NAALADL2: variants seen among roughly 807,000 people sequenced by gnomAD.
NAALADL2 encodes the protein N-acetylated alpha-linked acidic dipeptidase like 2.
In NAALADL2, 76 loss-of-function variants were observed where a neutral mutation model predicts 87.2. The ratio of observed to expected loss-of-function variants is 0.87; its 90% confidence interval spans 0.72 to 1.05. The LOEUF is 1.05. Ranked by LOEUF, NAALADL2 falls within the 50% of genes least tolerant of loss-of-function variation. NAALADL2 has a pLI of 0.00. For missense variants in NAALADL2, 1,089 were observed against 945.8 expected, an observed-to-expected ratio of 1.15 and a Z score of -1.99; for synonymous variants, 354 against 331.0, an observed-to-expected ratio of 1.07 and a Z score of -0.75.
At chr3:175,504,020 A>G (rs1269821268) in intron 9 of NAALADL2, among the ~76,000 whole-genome samples, 1 of 152,216 alleles carries the variant, frequency 6.6e-6, no homozygotes, top group Non-Finnish European at 1.5e-5. Context: ...TATGTTCAGA[A>G]TGATATTTCC....
chr3:175,349,378 AG>A (rs1363756522), intron 5 of NAALADL2, among the ~76,000 whole-genome samples: 1 of 152,122 alleles, frequency 6.6e-6, no homozygotes, highest in Non-Finnish European at 1.5e-5. Flanking sequence ...AGGAAGTAGC[AG>A]GCCAAAGAAG....
chr3:174,902,894 A>C (rs1471344475), intron 1 of NAALADL2, among the ~76,000 whole-genome samples: 6 of 152,132 alleles, frequency 3.9e-5, no homozygotes, highest in African/African-American at 1.4e-4. Flanking sequence ...ATTCTCCCAG[A>C]AACAAGAAGA....
intron 2 of NAALADL2, among the ~76,000 whole-genome samples, chr3:175,203,296 A>T (rs1212516154): frequency 1.3e-5 from 2 of 152,104 alleles, no homozygotes; most frequent in Admixed American, 1.3e-4. Flanking sequence ...TTTGGGAACT[A>T]GCGAGCTCCC....
intron 1 of NAALADL2, among the ~76,000 whole-genome samples, chr3:174,474,036 A>G (rs1314528215): frequency 1.3e-5 from 2 of 151,998 alleles, no homozygotes; most frequent in Non-Finnish European, 2.9e-5. Flanking sequence ...GTGAGAACTC[A>G]CTCTGATTCA....
chr3:174,696,732 G>C (rs1729056694), intron 2 of NAALADL2, among the ~76,000 whole-genome samples: 1 of 150,948 alleles, frequency 6.6e-6, no homozygotes, highest in South Asian at 2.1e-4. Flanking sequence ...AAAAATAATT[G>C]TGTATTTTGT....
At chr3:175,507,547 C>A (rs1730515065) in intron 9 of NAALADL2, among the ~76,000 whole-genome samples, 1 of 152,080 alleles carries the variant, frequency 6.6e-6, no homozygotes, top group African/African-American at 2.4e-5. Context: ...CTCAGCCTCC[C>A]CAGCAGCTGG....
intron 11 of NAALADL2, among the ~76,000 whole-genome samples, chr3:175,671,350 C>T (rs1326297488): frequency 2.6e-5 from 4 of 151,986 alleles, no homozygotes; most frequent in South Asian, 2.1e-4. Context: ...TTCATGGTTG[C>T]TGCAGCAATG....
At chr3:175,119,676 C>G (rs1190101332) in intron 2 of NAALADL2, among the ~76,000 whole-genome samples, 1 of 73,486 alleles carries the variant, frequency 1.4e-5, no homozygotes, top group Non-Finnish European at 2.9e-5. Context: ...TGAGGAGTCA[C>G]TTAGTAAGGT....
rs561855232 is a variant in NAALADL2 at position 175,609,158 on chromosome 3, C to T, written c.1801-18133C>T. On this transcript the variant is annotated intron_variant, in intron 10 of 13. Coordinates refer to ENST00000454872, the MANE Select transcript of NAALADL2 (RefSeq NM_207015.3). ...GGTTTTCAGTGACAGGTCTATTGGC[C>T]CACATAGAGATTGAACACTGATTTT... Among the ~76,000 whole-genome samples, 15 of 152,028 alleles carry T rather than the reference C, an allele frequency of 9.9e-5. No individual in the cohort carries two copies. The South Asian group carries it at 2.3e-3, about 23-fold the overall frequency.
chr3:174,492,255 A>G (rs942233916), intron 1 of NAALADL2, among the ~76,000 whole-genome samples: 6 of 150,734 alleles, frequency 4.0e-5, no homozygotes, highest in Admixed American at 1.3e-4. Context: ...AGGCAACAAC[A>G]GCAAGACTCC....
At chr3:175,514,338 T>A (rs1731559950) in intron 9 of NAALADL2, among the ~76,000 whole-genome samples, 1 of 152,184 alleles carries the variant, frequency 6.6e-6, no homozygotes, top group African/African-American at 2.4e-5. Flanking sequence ...TTATTAGAAT[T>A]TATAATGTAT....
chr3:175,122,181 T>C (rs527635713), intron 2 of NAALADL2, among the ~76,000 whole-genome samples: 3 of 151,956 alleles, frequency 2.0e-5, no homozygotes, highest in South Asian at 4.1e-4. Flanking sequence ...ATATAAACTT[T>C]TGTTCATGAT....
intron 2 of NAALADL2, among the ~76,000 whole-genome samples, chr3:174,640,389 C>T (rs943172721): frequency 6.6e-6 from 1 of 152,190 alleles, no homozygotes; most frequent in Non-Finnish European, 1.5e-5. Context: ...AAGAGCTAAT[C>T]TCCAGCTGTC....
chr3:175,526,548 G>A (rs967117269), intron 9 of NAALADL2, among the ~76,000 whole-genome samples: 2 of 151,960 alleles, frequency 1.3e-5, no homozygotes, highest in African/African-American at 4.8e-5. Flanking sequence ...GTAGGTCAAA[G>A]TGTGTTTACG....
At chr3:175,164,055 A>C (rs1325249181) in intron 2 of NAALADL2, among the ~76,000 whole-genome samples, 3 of 152,192 alleles carry the variant, frequency 2.0e-5, no homozygotes, top group African/African-American at 7.2e-5. Flanking sequence ...AAGTGATTGC[A>C]TGTCCTAACA....
chr3:175,181,737 GTATATATGTA>G (rs1736557733), intron 2 of NAALADL2, among the ~76,000 whole-genome samples: 5 of 62,702 alleles, frequency 8.0e-5, no homozygotes, highest in Admixed American at 1.8e-4. Context: ...GTATATATGT[GTATATATGTA>G]TATATATGTG....
chr3:175,127,839 C>A (rs1427806108), intron 2 of NAALADL2, among the ~76,000 whole-genome samples: 2 of 151,934 alleles, frequency 1.3e-5, no homozygotes, highest in African/African-American at 2.4e-5. Flanking sequence ...GGCAACATAG[C>A]AAGACCCTGT....
intron 2 of NAALADL2, among the ~76,000 whole-genome samples, chr3:174,572,889 A>G (rs1456883951): frequency 6.6e-6 from 1 of 152,206 alleles, no homozygotes; most frequent in Non-Finnish European, 1.5e-5. Context: ...TTAAATCTTT[A>G]AAACAACTCT....
chr3:174,631,900 T>G (rs534965171), intron 2 of NAALADL2: 78 of 152,342 alleles, frequency 5.1e-4, no homozygotes, highest in Middle Eastern at 3.4e-3. Context: ...TGAGCTGATC[T>G]CCGGTCTCTT....
Sources: allele counts gnomAD v4.1 joint callset (sites outside exome capture counted in the v4.1 genomes callset), GRCh38; gene constraint gnomAD v4.1.1; transcripts MANE v1.5; gene names NCBI Gene and HGNC (gene_info 2026-07-23, HGNC 2026-07-21).